The following CDK7 variants were observed in gnomAD, a reference collection of about 807,000 sequenced individuals.
CDK7 encodes the protein cyclin-dependent kinase 7.
In CDK7, 25 loss-of-function variants were observed where a neutral mutation model predicts 49.1. That is an observed-to-expected ratio of 0.51 (90% confidence interval 0.37 to 0.71). CDK7 has a LOEUF of 0.71. CDK7 is among the 30% of genes least tolerant of loss of function. The probability of loss-of-function intolerance (pLI) is 0.00; values close to 1 mark genes in which losing one functional copy is unlikely to be tolerated. For missense variants in CDK7, 316 were observed against 411.7 expected (o/e 0.77, Z 2.01); for synonymous variants, 107 against 140.0 (o/e 0.76, Z 1.67).
In CDK7 at chr5:69,251,825, C is replaced by T. The variant is rs993927703; in HGVS notation, c.127-593C>T. 1.2e-4 allele frequency among the ~76,000 whole-genome samples: 18 copies of T among 152,316 alleles called. No individual in the cohort carries two copies. The East Asian group carries it at 1.9e-3, about 16-fold the overall frequency. ...TGGAATTTACAAGTGTGAGCCACTA[C>T]ACCCCGCCAGTCTTTTCTTGATTAC... On this transcript the variant is annotated intron_variant, in intron 2 of 11. Transcript: ENST00000256443.
intron 2 of CDK7, chr5:69,250,969 G>A (rs1007576061): frequency 5.0e-5 from 22 of 444,074 alleles, no homozygotes; most frequent in African/African-American, 4.2e-4. Flanking sequence ...CTGTTCTGTT[G>A]CCCAGGCTGG....
At chr5:69,266,068 C>G (rs1252860766) in intron 8 of CDK7, among the ~76,000 whole-genome samples, 1 of 152,070 alleles carries the variant, frequency 6.6e-6, no homozygotes, top group Non-Finnish European at 1.5e-5. Flanking sequence ...GCCTGGGTAA[C>G]AGGCTGGGGT....
At chr5:69,276,278 C>G (rs2150247228) in intron 10 of CDK7, among the ~76,000 whole-genome samples, 1 of 152,330 alleles carries the variant, frequency 6.6e-6, no homozygotes, top group South Asian at 2.1e-4. Context: ...ATCCACCCGC[C>G]TCAGCCTCCC....
At chr5:69,237,644 A>G (rs573052349) in intron 2 of CDK7, among the ~76,000 whole-genome samples, 13 of 152,256 alleles carry the variant, frequency 8.5e-5, no homozygotes, top group Admixed American at 3.3e-4. Context: ...ATTTGTAGAC[A>G]CTGTTAAAAA....
intron 3 of CDK7, 40 bp downstream of exon 3, chr5:69,252,491 CTCCTTTT>C (rs1750208846): frequency 1.4e-5 from 5 of 355,064 alleles, no homozygotes. Flanking sequence ...GAAAAGTTTT[CTCCTTTT>C]TTTTTTTTTT....
intron 8 of CDK7, among the ~76,000 whole-genome samples, chr5:69,267,530 C>T (rs1475076057): frequency 6.6e-6 from 1 of 151,944 alleles, no homozygotes; most frequent in African/African-American, 2.4e-5. Context: ...CTCCTAGCCT[C>T]AATTGATCCA....
At chr5:69,235,644 TA>T in intron 2 of CDK7, 191 bp downstream of exon 2, 1 of 610,950 alleles carries the variant, frequency 1.6e-6, no homozygotes, top group South Asian at 2.1e-5. Context: ...TTTTAATTTC[TA>T]TTGAAATGAA....
intron 2 of CDK7, among the ~76,000 whole-genome samples, chr5:69,245,498 G>A (rs1014314702): frequency 6.6e-6 from 1 of 151,432 alleles, no homozygotes; most frequent in East Asian, 1.9e-4. Flanking sequence ...GCACCACCAC[G>A]CCTGGCTACT....
chr5:69,263,062 T>C (rs1750936029), intron 8 of CDK7, among the ~76,000 whole-genome samples: 1 of 152,198 alleles, frequency 6.6e-6, no homozygotes, highest in Non-Finnish European at 1.5e-5. Flanking sequence ...ACAGAACAGA[T>C]ACAATGTTAC....
intron 11 of CDK7, 44 bp from the exon 12 acceptor site, chr5:69,277,063 A>G (rs1256398414): frequency 9.8e-6 from 15 of 1,535,148 alleles, no homozygotes; most frequent in Non-Finnish European, 1.2e-5. Context: ...GAACTTTGTT[A>G]AATGTGAACA....
At chr5:69,240,206 T>C (rs1348537511) in intron 2 of CDK7, among the ~76,000 whole-genome samples, 2 of 152,180 alleles carry the variant, frequency 1.3e-5, no homozygotes, top group Non-Finnish European at 2.9e-5. Flanking sequence ...TGTTGAAATA[T>C]TACAGTGACT....
At chr5:69,241,967 T>C (rs1005611956) in intron 2 of CDK7, among the ~76,000 whole-genome samples, 2 of 152,216 alleles carry the variant, frequency 1.3e-5, no homozygotes, top group Non-Finnish European at 2.9e-5. Context: ...GGTATTACTC[T>C]AGAACTCTAC....
chr5:69,272,632 T>C (rs752185554), intron 9 of CDK7, among the ~76,000 whole-genome samples: 2 of 152,100 alleles, frequency 1.3e-5, no homozygotes, highest in Admixed American at 6.6e-5. Context: ...TTCATTTTTC[T>C]TTTTGGGGTG....
chr5:69,274,852 G>C (rs550300786), intron 10 of CDK7, among the ~76,000 whole-genome samples: 2 of 152,120 alleles, frequency 1.3e-5, no homozygotes, highest in Non-Finnish European at 2.9e-5. Flanking sequence ...CTGACCTCAG[G>C]TGATCCATCT....
At chr5:69,268,870 T>C (rs1751340576) in intron 8 of CDK7, among the ~76,000 whole-genome samples, 1 of 144,890 alleles carries the variant, frequency 6.9e-6, no homozygotes, top group African/African-American at 2.6e-5. Context: ...AAGGCTGGCG[T>C]GGTGGCTCAC....
At chr5:69,254,036 G>A (rs1463250954) in intron 3 of CDK7, among the ~76,000 whole-genome samples, 5 of 152,158 alleles carry the variant, frequency 3.3e-5, no homozygotes, top group Admixed American at 6.6e-5. Context: ...GGAGGTGGAG[G>A]CTGCTGTGAG....
chr5:69,266,165 G>T (rs949825906), intron 8 of CDK7, among the ~76,000 whole-genome samples: 1 of 152,232 alleles, frequency 6.6e-6, no homozygotes, highest in Non-Finnish European at 1.5e-5. Context: ...GCGCACTTGC[G>T]GTCAGCAGGC....
chr5:69,244,418 G>C (rs1749591727), intron 2 of CDK7, among the ~76,000 whole-genome samples: 1 of 151,842 alleles, frequency 6.6e-6, no homozygotes, highest in Admixed American at 6.6e-5. Context: ...AGCACTTTAG[G>C]AGGCCGAGGT....
At chr5:69,241,307 G>GTTTTT (rs1749355577) in intron 2 of CDK7, among the ~76,000 whole-genome samples, 3 of 112,944 alleles carry the variant, frequency 2.7e-5, no homozygotes, top group Non-Finnish European at 3.5e-5. Flanking sequence ...CTCATTGTAG[G>GTTTTT]TTTTTTCTTT....
Sources: allele counts gnomAD v4.1 joint callset (sites outside exome capture counted in the v4.1 genomes callset), GRCh38; gene constraint gnomAD v4.1.1; transcripts MANE v1.5; gene names NCBI Gene and HGNC (gene_info 2026-07-23, HGNC 2026-07-21).